The following CNTNAP2 variants were observed in gnomAD, a reference collection of about 807,000 sequenced individuals.
CNTNAP2 encodes contactin associated protein 2.
CNTNAP2 carries 98 observed loss-of-function variants against 155.2 expected under a neutral mutation model. The ratio of observed to expected loss-of-function variants is 0.63; its 90% CI spans 0.54 to 0.75. The LOEUF is 0.75. Among genes scored for constraint, CNTNAP2 ranks in the 30% least tolerant of loss-of-function variants. CNTNAP2 has a pLI of 0.00. For missense variants in CNTNAP2, 1,727 were observed against 1,688.1 expected (o/e 1.02, Z -0.40); for synonymous variants, 651 against 631.2 (o/e 1.03, Z -0.47).
intron 1 of CNTNAP2, among the ~76,000 whole-genome samples, chr7:146,183,222 G>T (rs1467016064): frequency 1.3e-5 from 2 of 152,178 alleles, no homozygotes; most frequent in East Asian, 3.9e-4. Context: ...AACCCTGCCT[G>T]CATCTCACAA....
intron 13 of CNTNAP2, among the ~76,000 whole-genome samples, chr7:147,852,122 C>G (rs774410780): frequency 2.0e-5 from 3 of 152,116 alleles, no homozygotes; most frequent in Non-Finnish European, 4.4e-5. Flanking sequence ...TATGCACAAC[C>G]TCACGGTCCT....
intron 15 of CNTNAP2, among the ~76,000 whole-genome samples, chr7:147,979,196 A>G (rs1335273937): frequency 1.3e-5 from 2 of 152,192 alleles, no homozygotes; most frequent in Non-Finnish European, 1.5e-5. Context: ...CTCTACTTAC[A>G]TTGAAAATGC....
chr7:147,624,057 T>A (rs533710058), intron 12 of CNTNAP2, among the ~76,000 whole-genome samples: 5 of 152,236 alleles, frequency 3.3e-5, no homozygotes, highest in African/African-American at 1.2e-4. Context: ...TGAATGTTCA[T>A]ATGCGGAAGA....
intron 12 of CNTNAP2, among the ~76,000 whole-genome samples, chr7:147,629,778 G>T (rs1251247947): frequency 6.6e-6 from 1 of 152,036 alleles, no homozygotes; most frequent in East Asian, 1.9e-4. Context: ...TGAGCTGATT[G>T]ATGATAGTGA....
chr7:146,936,720 CA>C (rs1243632971), intron 3 of CNTNAP2, among the ~76,000 whole-genome samples: 1 of 152,178 alleles, frequency 6.6e-6, no homozygotes, highest in African/African-American at 2.4e-5. Context: ...ATACTTCAAC[CA>C]GTCATAGACT....
intron 10 of CNTNAP2, among the ~76,000 whole-genome samples, chr7:147,428,530 A>G (rs1036994701): frequency 6.6e-6 from 1 of 152,162 alleles, no homozygotes; most frequent in African/African-American, 2.4e-5. Context: ...GGAGGATTCA[A>G]TTTATAGTTG....
chr7:147,579,933 A>C (rs17170611), intron 12 of CNTNAP2, among the ~76,000 whole-genome samples: 26,802 of 152,182 alleles, frequency 0.18, 2,877 homozygotes, highest in East Asian at 0.34. Context: ...GTATGACCTT[A>C]GACCAAGAAT....
chr7:146,568,305 C>T (rs1798388637), intron 1 of CNTNAP2, among the ~76,000 whole-genome samples: 1 of 152,188 alleles, frequency 6.6e-6, no homozygotes, highest in Non-Finnish European at 1.5e-5. Context: ...CTGGATAAGG[C>T]AGTATCTCTG....
intron 21 of CNTNAP2, among the ~76,000 whole-genome samples, chr7:148,365,843 C>T (rs199582655): frequency 0.93 from 9,352 of 10,106 alleles, 4,542 homozygotes; most frequent in Middle Eastern, 1. Flanking sequence ...TGTATACATG[C>T]ATGTGTATGC....
In CNTNAP2 at chr7:146,146,479, A is replaced by G. The variant is rs116097639; in HGVS notation, c.97+29506A>G. Among the ~76,000 whole-genome samples the G allele has an allele frequency of 4.3e-3, 648 of 152,262 alleles. 3 individuals are homozygous for G. Among genetic ancestry groups the G allele is most frequent in the African/African-American group, 0.015 (612 of 41,572 alleles). ...TAATGTAGGCCTAATCATTATTGAT[A>G]TACTTTATTCTTGTCAAGATTTGCC... On this transcript the variant is annotated intron_variant, in intron 1 of 23. Coordinates refer to ENST00000361727, the MANE Select transcript of CNTNAP2 (RefSeq NM_014141.6).
At chr7:147,586,426 T>G (rs1187567159) in intron 12 of CNTNAP2, among the ~76,000 whole-genome samples, 2 of 151,720 alleles carry the variant, frequency 1.3e-5, no homozygotes, top group African/African-American at 4.8e-5. Flanking sequence ...AACTTTAAAA[T>G]GCCCTTGGCC....
intron 1 of CNTNAP2, among the ~76,000 whole-genome samples, chr7:146,361,190 G>C (rs1286673740): frequency 6.6e-6 from 1 of 152,136 alleles, no homozygotes; most frequent in Non-Finnish European, 1.5e-5. Context: ...CCACAGGTTT[G>C]AACTGTGCAG....
At position 146,602,626 on chromosome 7, in the gene CNTNAP2, C is replaced by T. The variant is rs191652834; in HGVS notation, c.98-171645C>T. On this transcript the variant is annotated intron_variant, in intron 1 of 23. Coordinates refer to ENST00000361727, the MANE Select transcript of CNTNAP2 (RefSeq NM_014141.6). ...GTCAGTGTTAAATATGACATAACTACGTTGCCCTTGATACTAGTTAAAATT... is the reference window on the plus strand; with the variant it reads ...GTCAGTGTTAAATATGACATAACTATGTTGCCCTTGATACTAGTTAAAATT... 7.9e-5 allele frequency among the ~76,000 whole-genome samples: 12 copies of T among 152,266 alleles called. No individual in the cohort carries two copies. In the East Asian group the frequency reaches 1.9e-3, roughly 24 times the overall value.
chr7:147,228,068 G>T (rs1005701012), intron 8 of CNTNAP2, among the ~76,000 whole-genome samples: 3 of 152,174 alleles, frequency 2.0e-5, no homozygotes, highest in Non-Finnish European at 4.4e-5. Context: ...AGGAACAGTA[G>T]ATGAACAAGT....
At chr7:146,295,361 C>G (rs1375254079) in intron 1 of CNTNAP2, among the ~76,000 whole-genome samples, 3 of 151,944 alleles carry the variant, frequency 2.0e-5, no homozygotes, top group African/African-American at 4.8e-5. Context: ...CCTGCAAAAG[C>G]ATGTATTCAG....
intron 1 of CNTNAP2, among the ~76,000 whole-genome samples, chr7:146,524,965 A>G (rs1225216681): frequency 6.6e-6 from 1 of 152,138 alleles, no homozygotes; most frequent in Non-Finnish European, 1.5e-5. Flanking sequence ...TGGAGTTTCT[A>G]AAAATGAGAG....
At chr7:146,947,417 T>TAG (rs1350904697) in intron 3 of CNTNAP2, among the ~76,000 whole-genome samples, 1 of 134,424 alleles carries the variant, frequency 7.4e-6, no homozygotes, top group African/African-American at 3.0e-5. Context: ...TCTCTATATA[T>TAG]ATATATATAT....
chr7:146,830,589 T>TTCTTTCA (rs1803491108), intron 2 of CNTNAP2, among the ~76,000 whole-genome samples: 2 of 152,130 alleles, frequency 1.3e-5, no homozygotes, highest in Non-Finnish European at 2.9e-5. Context: ...TAAAGTAAGG[T>TTCTTTCA]TACATAATTC....
At chr7:146,831,377 T>G (rs1454669068) in intron 2 of CNTNAP2, among the ~76,000 whole-genome samples, 2 of 152,010 alleles carry the variant, frequency 1.3e-5, no homozygotes, top group African/African-American at 4.8e-5. Flanking sequence ...ATTCGAATGC[T>G]TCAAAAAGTT....
Sources: allele counts gnomAD v4.1 joint callset (sites outside exome capture counted in the v4.1 genomes callset), GRCh38; gene constraint gnomAD v4.1.1; transcripts MANE v1.5; gene names NCBI Gene and HGNC (gene_info 2026-07-23, HGNC 2026-07-21).